TMED3: variants seen among roughly 807,000 people sequenced by gnomAD.
The protein encoded by TMED3 is transmembrane p24 trafficking protein 3.
TMED3 carries 9 observed loss-of-function variants against 15.0 expected under a neutral mutation model. The ratio of observed to expected loss-of-function variants is 0.60; its 90% CI spans 0.36 to 1.04. TMED3 has a LOEUF of 1.04. TMED3 is among the 50% of genes least tolerant of loss of function. The pLI is 0.01. For synonymous variants in TMED3, 117 were observed against 121.4 expected, an observed-to-expected ratio of 0.96 and a Z score of 0.24; for missense variants, 267 against 278.9, an observed-to-expected ratio of 0.96 and a Z score of 0.30.
At chr15:79,357,933 A>G (rs1399592034) in intron 2 of TMED3, among the ~76,000 whole-genome samples, 3 of 152,110 alleles carry the variant, frequency 2.0e-5, no homozygotes, top group African/African-American at 4.8e-5. Flanking sequence ...TAAGTCTCCA[A>G]TTGCTCTGTT....
At chr15:79,327,349 A>G (rs1189141653), downstream of TMED3, among the ~76,000 whole-genome samples, 3 of 152,226 alleles carry the variant, frequency 2.0e-5, no homozygotes, top group African/African-American at 4.8e-5. Flanking sequence ...ACTGTGAGAA[A>G]TAAATTTCTG....
chr15:79,313,624 C>T lies in TMED3; in HGVS notation c.169-133C>T, dbSNP rs563603829. The T allele has an allele frequency of 6.6e-5, 80 of 1,204,940 alleles. No homozygotes were observed. The South Asian group carries it at 8.8e-4, about 13-fold the overall frequency. 74.6% of individuals were successfully genotyped at this position (1,204,940 alleles called of 1,614,324 possible). ...TCAGCCTTAGTAAAATGAGAAGTGG[C>T]GTAGCACCTGCCTTAGAAAGTTTTG... On this transcript the variant is annotated intron_variant, in intron 1 of 2. Transcript: ENST00000299705.
chr15:79,411,674 A>C, exon 3 of TMED3: 2 of 568,752 alleles, frequency 3.5e-6, no homozygotes, highest in Non-Finnish European at 6.3e-6. Context: ...ACCTGCTCTC[A>C]CCACAGGCCT....
intron 2 of TMED3, among the ~76,000 whole-genome samples, chr15:79,344,759 G>T (rs1278822726): frequency 6.6e-6 from 1 of 152,184 alleles, no homozygotes; most frequent in Non-Finnish European, 1.5e-5. Context: ...ATCTGGCAAG[G>T]TCGAGATCGT....
At chr15:79,354,177 G>A (rs2058909397) in intron 2 of TMED3, among the ~76,000 whole-genome samples, 1 of 152,144 alleles carries the variant, frequency 6.6e-6, no homozygotes, top group Non-Finnish European at 1.5e-5. Flanking sequence ...CATTTTGCCT[G>A]ATGCAAAGTT....
chr15:79,357,464 C>CAAAAAAAA (rs59897659), intron 2 of TMED3, among the ~76,000 whole-genome samples: 1 of 87,700 alleles, frequency 1.1e-5, no homozygotes, highest in African/African-American at 4.2e-5. Flanking sequence ...CACCCTGCCT[C>CAAAAAAAA]AAAAAAAAAA....
chr15:79,403,806 C>T (rs1002259360), intron 2 of TMED3, among the ~76,000 whole-genome samples: 9 of 152,218 alleles, frequency 5.9e-5, no homozygotes, highest in South Asian at 2.1e-4. Flanking sequence ...ACATATTTTG[C>T]GAGAAAGTCA....
At chr15:79,364,917 A>G (rs1486284560) in intron 2 of TMED3, among the ~76,000 whole-genome samples, 3 of 152,184 alleles carry the variant, frequency 2.0e-5, no homozygotes, top group African/African-American at 7.2e-5. Flanking sequence ...GGATACAGAA[A>G]GGTGTCACAC....
chr15:79,399,922 G>A (rs1893811664), intron 2 of TMED3, among the ~76,000 whole-genome samples: 1 of 152,200 alleles, frequency 6.6e-6, no homozygotes, highest in Non-Finnish European at 1.5e-5. Flanking sequence ...TCCACTGACA[G>A]CCAATGACCC....
intron 2 of TMED3, among the ~76,000 whole-genome samples, chr15:79,353,078 A>T (rs2058899535): frequency 9.7e-6 from 1 of 103,382 alleles, no homozygotes; most frequent in African/African-American, 3.9e-5. Flanking sequence ...AATATATATT[A>T]TATATAAAAT....
At chr15:79,396,785 TGA>T (rs1367268497) in intron 2 of TMED3, among the ~76,000 whole-genome samples, 2 of 152,260 alleles carry the variant, frequency 1.3e-5, no homozygotes, top group Non-Finnish European at 1.5e-5. Flanking sequence ...AGACACATTC[TGA>T]GTTTCAAGGA....
At chr15:79,397,773 T>C (rs1170269013) in intron 2 of TMED3, among the ~76,000 whole-genome samples, 2 of 152,122 alleles carry the variant, frequency 1.3e-5, no homozygotes, top group Non-Finnish European at 2.9e-5. Context: ...GCATTAAGAG[T>C]TCTATCCAGA....
chr15:79,401,901 C>G (rs1893838780), intron 2 of TMED3, among the ~76,000 whole-genome samples: 1 of 152,090 alleles, frequency 6.6e-6, no homozygotes, highest in Admixed American at 6.5e-5. Context: ...TAGAAAGTCA[C>G]TTTGGAGGAG....
At chr15:79,367,543 C>T (rs1158063927) in intron 2 of TMED3, among the ~76,000 whole-genome samples, 1 of 152,166 alleles carries the variant, frequency 6.6e-6, no homozygotes, top group Admixed American at 6.5e-5. Context: ...TGCAGAGGTA[C>T]CCCACAGTTC....
intron 2 of TMED3, among the ~76,000 whole-genome samples, chr15:79,337,707 G>A (rs1210976489): frequency 1.3e-5 from 2 of 152,194 alleles, no homozygotes; most frequent in Non-Finnish European, 1.5e-5. Flanking sequence ...CTGGAGTATG[G>A]AACAGTTCGG....
intron 2 of TMED3, among the ~76,000 whole-genome samples, chr15:79,392,964 C>T (rs1028068662): frequency 6.6e-6 from 1 of 152,188 alleles, no homozygotes; most frequent in African/African-American, 2.4e-5. Context: ...ATCCTTCTGG[C>T]TTCAGGGATC....
chr15:79,398,207 T>C (rs963393246), intron 2 of TMED3, among the ~76,000 whole-genome samples: 5 of 152,160 alleles, frequency 3.3e-5, no homozygotes, highest in African/African-American at 1.2e-4. Flanking sequence ...GCTTTCTTTT[T>C]CCAGAATGCC....
intron 2 of TMED3, among the ~76,000 whole-genome samples, chr15:79,410,472 A>G (rs550956891): frequency 9.6e-4 from 146 of 152,274 alleles, no homozygotes; most frequent in African/African-American, 3.4e-3. Context: ...AAAGAGCACA[A>G]CTATCACAAA....
chr15:79,387,165 A>T (rs979291823), intron 2 of TMED3, among the ~76,000 whole-genome samples: 1 of 152,044 alleles, frequency 6.6e-6, no homozygotes, highest in African/African-American at 2.4e-5. Context: ...CATTTCCACT[A>T]AAAGCTTTAG....
Sources: gnomAD v4.1 joint callset for allele counts (sites outside exome capture counted in the v4.1 genomes callset) on GRCh38, gnomAD v4.1.1 for gene constraint, MANE v1.5 for transcripts, NCBI Gene and HGNC (gene_info 2026-07-23, HGNC 2026-07-21) for gene names.